The following KCNMA1 variants were observed in gnomAD, a reference collection of about 807,000 sequenced individuals.
The protein encoded by KCNMA1 is Calcium-activated potassium channel subunit alpha-1.
KCNMA1 carries 29 observed loss-of-function variants against 140.0 expected under a neutral mutation model. The observed-to-expected ratio is 0.21, with a 90% confidence interval of 0.15 to 0.28. The LOEUF is 0.28. Ranked by LOEUF, KCNMA1 falls within the 10% of genes least tolerant of loss-of-function variation. The pLI is 1.00. For synonymous variants in KCNMA1, 612 were observed against 611.9 expected, an observed-to-expected ratio of 1.00 and a Z score of 0.00; for missense variants, 880 against 1,602.2, an observed-to-expected ratio of 0.55 and a Z score of 7.70.
At chr10:76,956,638 T>C (rs914244861) in intron 20 of KCNMA1, among the ~76,000 whole-genome samples, 2 of 152,056 alleles carry the variant, frequency 1.3e-5, no homozygotes, top group Non-Finnish European at 2.9e-5. Context: ...ACAGTAATGA[T>C]TAAGATAAAG....
At chr10:77,025,260 A>G (rs1467518495) in intron 16 of KCNMA1, among the ~76,000 whole-genome samples, 2 of 117,814 alleles carry the variant, frequency 1.7e-5, no homozygotes, top group African/African-American at 6.8e-5. Flanking sequence ...ATATATATAT[A>G]TATATATATA....
In KCNMA1 at chr10:77,254,963, G is replaced by C. The variant is rs150114033; in HGVS notation, c.541-3707C>G. ...CATTGTCCCACACAAGGGCTTGGGGGCAGCAGTGTGATACACAGATAATTT... is the reference window on the plus strand; with the variant it reads ...CATTGTCCCACACAAGGGCTTGGGGCCAGCAGTGTGATACACAGATAATTT... On this transcript the variant is annotated intron_variant, in intron 2 of 27. Coordinates refer to ENST00000286628, the MANE Select transcript of KCNMA1 (RefSeq NM_001161352.2). 3.6e-3 allele frequency among the ~76,000 whole-genome samples: 556 copies of C among 152,330 alleles called. 7 individuals carry two copies. Among genetic ancestry groups the C allele is most frequent in the African/African-American group, 0.013 (524 of 41,580 alleles).
intron 19 of KCNMA1, among the ~76,000 whole-genome samples, chr10:76,999,794 G>A (rs1423659012): frequency 1.3e-5 from 2 of 152,152 alleles, no homozygotes; most frequent in East Asian, 3.9e-4. Context: ...CCTGTCCCTT[G>A]GCACTGCTCT....
intron 17 of KCNMA1, among the ~76,000 whole-genome samples, chr10:77,017,785 T>C (rs925590600): frequency 2.2e-4 from 33 of 152,324 alleles, no homozygotes; most frequent in Admixed American, 2.1e-3. Context: ...ACTAGCAGTA[T>C]GGCTTTGGGC....
chr10:77,415,152 A>G (rs2096712315), intron 1 of KCNMA1, among the ~76,000 whole-genome samples: 1 of 152,258 alleles, frequency 6.6e-6, no homozygotes, highest in African/African-American at 2.4e-5. Context: ...CTCATTAGAC[A>G]TTAGATATGT....
intron 2 of KCNMA1, among the ~76,000 whole-genome samples, chr10:77,332,876 T>C (rs1275147553): frequency 2.0e-5 from 3 of 152,368 alleles, no homozygotes; most frequent in Non-Finnish European, 4.4e-5. Context: ...GCAGTATCTA[T>C]ACTCTAACAC....
At chr10:77,545,027 G>C (rs2061094043) in intron 1 of KCNMA1, among the ~76,000 whole-genome samples, 1 of 152,144 alleles carries the variant, frequency 6.6e-6, no homozygotes, top group African/African-American at 2.4e-5. Context: ...CGAGAAGAGA[G>C]CATATTTTTT....
intron 23 of KCNMA1, chr10:76,939,241 C>G (rs1321016024): frequency 6.6e-6 from 1 of 151,582 alleles, no homozygotes; most frequent in East Asian, 1.9e-4. Context: ...CTGCCTTAGC[C>G]TCCCAAGTAG....
chr10:77,179,005 T>C (rs1363722733), intron 5 of KCNMA1, among the ~76,000 whole-genome samples: 4 of 152,214 alleles, frequency 2.6e-5, no homozygotes, highest in Non-Finnish European at 4.4e-5. Flanking sequence ...CCTTATTTTT[T>C]ATTCTGTTCT....
At chr10:77,357,802 A>G (rs975765329) in intron 2 of KCNMA1, among the ~76,000 whole-genome samples, 2 of 152,206 alleles carry the variant, frequency 1.3e-5, no homozygotes, top group Non-Finnish European at 2.9e-5. Flanking sequence ...TTCATGACTT[A>G]AAACAACATG....
rs550636764 is a variant in KCNMA1 at position 77,430,707 on chromosome 10, G to A, written c.379-26684C>T. 9.1e-4 allele frequency among the ~76,000 whole-genome samples: 139 copies of A among 152,256 alleles called. 1 individual carries two copies. The highest frequency in any genetic ancestry group is 4.6e-4 in the Admixed American group (7 of 15,294). On this transcript the variant is annotated intron_variant, in intron 1 of 27. Transcript: ENST00000286628. ...ATAACAAGGGAGGGTGCAAGGAGGC[G>A]CCATCCACTTACATCATGTCCATGC... is the stretch of plus-strand genomic sequence containing the variant.
chr10:77,503,512 C>T (rs2044671380), intron 1 of KCNMA1, among the ~76,000 whole-genome samples: 1 of 152,108 alleles, frequency 6.6e-6, no homozygotes, highest in African/African-American at 2.4e-5. Context: ...CCAAAGGAAG[C>T]TCTATTTCAA....
At chr10:77,010,289 A>G (rs2090384057) in intron 18 of KCNMA1, among the ~76,000 whole-genome samples, 1 of 151,868 alleles carries the variant, frequency 6.6e-6, no homozygotes, top group African/African-American at 2.4e-5. Flanking sequence ...TGTCTGGTCA[A>G]CTCATCCGTG....
At chr10:77,095,897 A>C (rs146333127) in intron 9 of KCNMA1, among the ~76,000 whole-genome samples, 2 of 152,286 alleles carry the variant, frequency 1.3e-5, no homozygotes, top group Non-Finnish European at 2.9e-5. Context: ...TGAGGCATCA[A>C]GAGAGCCACT....
rs543426267 is a variant in KCNMA1 at position 77,454,257 on chromosome 10, C to T, written c.379-50234G>A. On this transcript the variant is annotated intron_variant, in intron 1 of 27. Transcript: ENST00000286628. ...CTGCAACCACATCTACAGTGTATTTCAGGACCCAGCCATAGAGCCCCTCTG... is the reference window on the plus strand; with the variant it reads ...CTGCAACCACATCTACAGTGTATTTTAGGACCCAGCCATAGAGCCCCTCTG... Among the ~76,000 whole-genome samples the T allele has an allele frequency of 4.1e-4, 63 of 152,308 alleles. No homozygotes were observed. In the South Asian group the frequency reaches 0.013, roughly 32 times the overall value.
chr10:77,595,821 A>C (rs903625732), intron 1 of KCNMA1, among the ~76,000 whole-genome samples: 3 of 152,004 alleles, frequency 2.0e-5, no homozygotes, highest in Admixed American at 2.0e-4. Flanking sequence ...GCTAATTTTT[A>C]TATTTTTAGT....
At chr10:77,363,707 T>G (rs1293696147) in intron 2 of KCNMA1, among the ~76,000 whole-genome samples, 1 of 152,208 alleles carries the variant, frequency 6.6e-6, no homozygotes, top group Non-Finnish European at 1.5e-5. Flanking sequence ...TTCTCCTTCC[T>G]TGACTGTGCG....
At chr10:76,872,185 T>C (rs1218117352), downstream of KCNMA1, 4 of 152,228 alleles carry the variant, frequency 2.6e-5, no homozygotes, top group African/African-American at 9.6e-5. Flanking sequence ...TACCCTCTAA[T>C]CTACTTTGTG....
chr10:77,485,471 G>A (rs529015302), intron 1 of KCNMA1, among the ~76,000 whole-genome samples: 35 of 152,290 alleles, frequency 2.3e-4, no homozygotes, highest in African/African-American at 7.7e-4. Context: ...TGTGCTCTGT[G>A]GTTCGAGGAA....
Sources: allele counts gnomAD v4.1 joint callset (sites outside exome capture counted in the v4.1 genomes callset), GRCh38; gene constraint gnomAD v4.1.1; transcripts MANE v1.5; gene names NCBI Gene and HGNC (gene_info 2026-07-23, HGNC 2026-07-21).